The following SUMF1 variants were observed in gnomAD, a reference collection of about 807,000 sequenced individuals.
SUMF1 encodes the protein sulfatase modifying factor 1.
Under a neutral mutation model 47.6 loss-of-function variants are expected in SUMF1, and 48 were observed. That is an observed-to-expected ratio of 1.01 (90% CI 0.80 to 1.28). The LOEUF (loss-of-function observed/expected upper bound fraction) is 1.28. SUMF1 is among the 50% of genes most tolerant of loss of function. The pLI is 0.00. For synonymous variants in SUMF1, 230 were observed against 192.1 expected (o/e 1.20, Z -1.63); for missense variants, 571 against 485.4 (o/e 1.18, Z -1.66).
At position 4,218,485 on chromosome 3, in the gene SUMF1, T is replaced by G. The variant is rs575701858; in HGVS notation, c.1015-149740A>C. On this transcript the variant is annotated intron_variant and NMD_transcript_variant, in intron 8 of 12. Coordinates refer to the SUMF1 transcript ENST00000448413. ...TGTGGACAAGCAGTATAAGGAAGAATAAACATGTGTGAAGCCAAAACAACA... is the reference window on the plus strand; with the variant it reads ...TGTGGACAAGCAGTATAAGGAAGAAGAAACATGTGTGAAGCCAAAACAACA... Among the ~76,000 whole-genome samples the G allele has an allele frequency of 5.8e-3, 740 of 128,160 alleles. 4 individuals are homozygous for G. Among genetic ancestry groups the G allele is most frequent in the Middle Eastern group, 0.035 (8 of 230 alleles). The allele number at this position is 128,160 out of a possible 152,430, so 84.1% of individuals were successfully genotyped here. A position where few individuals can be genotyped will look rare whatever the true frequency, so the allele number is the denominator to read the frequency against.
At chr3:4,258,048 T>C (rs1171285373) in intron 8 of SUMF1, among the ~76,000 whole-genome samples, 1 of 151,684 alleles carries the variant, frequency 6.6e-6, no homozygotes. Context: ...CTGGGAAAAC[T>C]GGCTAGCCAT....
intron 8 of SUMF1, among the ~76,000 whole-genome samples, chr3:4,212,628 T>C (rs1259781072): frequency 6.6e-6 from 1 of 152,112 alleles, no homozygotes; most frequent in East Asian, 1.9e-4. Context: ...TAAAGGAGCA[T>C]GCTGTAACTC....
chr3:4,429,028 A>G (rs1465153342), intron 3 of SUMF1, among the ~76,000 whole-genome samples: 2 of 152,228 alleles, frequency 1.3e-5, no homozygotes, highest in Admixed American at 1.3e-4. Flanking sequence ...GTCTCCTAAC[A>G]TTGAACCATT....
chr3:4,228,078 G>T (rs561170816), intron 8 of SUMF1, among the ~76,000 whole-genome samples: 9 of 152,064 alleles, frequency 5.9e-5, no homozygotes, highest in Non-Finnish European at 8.8e-5. Context: ...AGCAGAAGGG[G>T]TGTGGTGGAC....
At chr3:4,251,809 T>C (rs1696808429) in intron 8 of SUMF1, among the ~76,000 whole-genome samples, 1 of 152,210 alleles carries the variant, frequency 6.6e-6, no homozygotes, top group South Asian at 2.1e-4. Flanking sequence ...GGCAAGACCC[T>C]ACAATGGCAA....
chr3:4,415,395 C>T (rs1201444016), intron 6 of SUMF1, among the ~76,000 whole-genome samples: 2 of 152,028 alleles, frequency 1.3e-5, no homozygotes, highest in South Asian at 2.1e-4. Context: ...TCTTGTACAC[C>T]CATAAAGGAA....
chr3:4,083,010 A>C (rs144654097), intron 8 of SUMF1, among the ~76,000 whole-genome samples: 1 of 152,270 alleles, frequency 6.6e-6, no homozygotes, highest in East Asian at 1.9e-4. Flanking sequence ...AGTGCTAAGA[A>C]ATTTATTTAG....
intron 9 of SUMF1, among the ~76,000 whole-genome samples, chr3:4,038,156 G>C (rs149313368): frequency 1.6e-4 from 24 of 152,280 alleles, no homozygotes; most frequent in Non-Finnish European, 3.4e-4. Flanking sequence ...CAACTTGGAG[G>C]CAGCAGAGGA....
intron 8 of SUMF1, among the ~76,000 whole-genome samples, chr3:4,285,285 C>T (rs1305864871): frequency 7.2e-5 from 11 of 152,094 alleles, no homozygotes; most frequent in Admixed American, 5.9e-4. Flanking sequence ...TTGCATTACT[C>T]CTAGGACTAT....
intron 1 of SUMF1, among the ~76,000 whole-genome samples, chr3:4,466,590 A>G (rs2079952707): frequency 6.6e-6 from 1 of 152,212 alleles, no homozygotes; most frequent in African/African-American, 2.4e-5. Context: ...AGGAGACTAC[A>G]GATAAGTATA....
At chr3:4,238,809 T>C (rs1696469373) in intron 8 of SUMF1, among the ~76,000 whole-genome samples, 1 of 152,226 alleles carries the variant, frequency 6.6e-6, no homozygotes, top group Non-Finnish European at 1.5e-5. Context: ...TTGGCTTTTG[T>C]TGCCGTTGCT....
chr3:4,085,741 T>C (rs181345246), intron 8 of SUMF1, among the ~76,000 whole-genome samples: 26 of 152,206 alleles, frequency 1.7e-4, no homozygotes, highest in Admixed American at 1.6e-3. Context: ...TGTCCTTCTC[T>C]TTTACCTAAA....
chr3:4,365,771 G>T (rs1447635722), intron 8 of SUMF1, among the ~76,000 whole-genome samples: 2 of 149,744 alleles, frequency 1.3e-5, no homozygotes, highest in Non-Finnish European at 3.0e-5. Context: ...GATGTTAGCT[G>T]GTGATTTTGC....
chr3:4,246,324 A>C (rs1262992552), intron 8 of SUMF1, among the ~76,000 whole-genome samples: 1 of 151,576 alleles, frequency 6.6e-6, no homozygotes, highest in African/African-American at 2.4e-5. Flanking sequence ...AAATGCAGAA[A>C]TCACCCGTTT....
rs73809308 is a variant in SUMF1, at chr3:4,104,607, C to T, written c.1015-35862G>A. ...CCGGATACCCACCCTGCTGGGCCAC[C>T]TCAGGTTGGTGTCCTGTACTAAAGG... On this transcript the variant is annotated intron_variant and NMD_transcript_variant, in intron 8 of 12. Coordinates refer to the SUMF1 transcript ENST00000448413. 7.6e-3 allele frequency among the ~76,000 whole-genome samples: 1,157 copies of T among 152,020 alleles called. 29 individuals are homozygous for T. The highest frequency in any genetic ancestry group is 0.027 in the African/African-American group (1,103 of 41,396).
At chr3:4,215,441 C>G (rs1287767185) in intron 8 of SUMF1, among the ~76,000 whole-genome samples, 1 of 152,154 alleles carries the variant, frequency 6.6e-6, no homozygotes, top group African/African-American at 2.4e-5. Context: ...CAATATCATA[C>G]TGAATGGGCA....
At chr3:4,427,413 G>A (rs1702102556) in intron 3 of SUMF1, among the ~76,000 whole-genome samples, 2 of 152,292 alleles carry the variant, frequency 1.3e-5, no homozygotes, top group South Asian at 4.1e-4. Flanking sequence ...TTTAGCAACT[G>A]AAGGAATTAA....
At chr3:4,411,846 A>T (rs1223272096) in intron 6 of SUMF1, among the ~76,000 whole-genome samples, 2 of 152,210 alleles carry the variant, frequency 1.3e-5, no homozygotes, top group South Asian at 4.1e-4. Context: ...AAATGAAAAA[A>T]ATATATATGT....
intron 8 of SUMF1, among the ~76,000 whole-genome samples, chr3:4,162,642 C>A (rs1484654758): frequency 1.3e-5 from 2 of 152,148 alleles, no homozygotes; most frequent in Non-Finnish European, 2.9e-5. Flanking sequence ...CTCCCACAAG[C>A]ATACATATTC....
Sources: gnomAD v4.1 joint callset for allele counts (sites outside exome capture counted in the v4.1 genomes callset) on GRCh38, gnomAD v4.1.1 for gene constraint, MANE v1.5 for transcripts, NCBI Gene and HGNC (gene_info 2026-07-23, HGNC 2026-07-21) for gene names.